Variants in DHRS7B observed in about 807,000 individuals in gnomAD.
The protein encoded by DHRS7B is dehydrogenase/reductase 7B, also known as peroxisomal reductase activating PPAR-gamma.
Under a neutral mutation model 26.4 loss-of-function variants are expected in DHRS7B, and 24 were observed. The ratio of observed to expected loss-of-function variants is 0.91; its 90% CI spans 0.66 to 1.28. The LOEUF is 1.28. DHRS7B is among the 50% of genes most tolerant of loss of function. DHRS7B has a pLI of 0.00. For missense variants in DHRS7B, 368 were observed against 419.4 expected (o/e 0.88, Z 1.07); for synonymous variants, 142 against 166.4 (o/e 0.85, Z 1.13).
At chr17:21,138,106 A>ACACACACACG (rs1973401538) in intron 1 of DHRS7B, among the ~76,000 whole-genome samples, 1 of 135,428 alleles carries the variant, frequency 7.4e-6, no homozygotes, top group East Asian at 2.1e-4. Flanking sequence ...ATATATACAC[A>ACACACACACG]CACACACACA....
intron 1 of DHRS7B, among the ~76,000 whole-genome samples, chr17:21,144,373 T>C (rs935336223): frequency 5.9e-5 from 9 of 152,186 alleles, no homozygotes; most frequent in African/African-American, 2.2e-4. Context: ...ACATTTTTAC[T>C]CCAAATAAGT....
intron 1 of DHRS7B, among the ~76,000 whole-genome samples, chr17:21,164,396 T>G (rs889250285): frequency 1.8e-4 from 28 of 152,206 alleles, no homozygotes; most frequent in African/African-American, 6.8e-4. Context: ...TAGTTGACGC[T>G]GTAGCATCTC....
At chr17:21,161,177 T>A (rs1317567206) in intron 1 of DHRS7B, among the ~76,000 whole-genome samples, 2 of 152,094 alleles carry the variant, frequency 1.3e-5, no homozygotes, top group East Asian at 3.9e-4. Flanking sequence ...GCACTGAGAG[T>A]GGGCACTAAT....
chr17:21,162,971 G>A (rs1182644386), intron 1 of DHRS7B, among the ~76,000 whole-genome samples: 2 of 152,126 alleles, frequency 1.3e-5, no homozygotes, highest in African/African-American at 2.4e-5. Flanking sequence ...TGAGGTGGGT[G>A]GATCATCTGA....
intron 1 of DHRS7B, among the ~76,000 whole-genome samples, chr17:21,136,515 GAAAA>G (rs978354552): frequency 6.8e-6 from 1 of 146,308 alleles, no homozygotes; most frequent in Non-Finnish European, 1.5e-5. Context: ...CGTCTCAAAA[GAAAA>G]AAAAAAGAAA....
chr17:21,178,768 TCCG>T (rs1974447740), intron 3 of DHRS7B, among the ~76,000 whole-genome samples: 1 of 150,870 alleles, frequency 6.6e-6, no homozygotes, highest in Admixed American at 6.6e-5. Flanking sequence ...AAGCGATTCT[TCCG>T]CCTCAGCCTC....
chr17:21,177,248 C>T (rs1054307781), intron 2 of DHRS7B, among the ~76,000 whole-genome samples: 2 of 152,184 alleles, frequency 1.3e-5, no homozygotes, highest in African/African-American at 4.8e-5. Flanking sequence ...AGCACCCAGG[C>T]ACGTGAGAGC....
chr17:21,130,135 C>G (rs898911420), intron 1 of DHRS7B, among the ~76,000 whole-genome samples: 2 of 152,184 alleles, frequency 1.3e-5, no homozygotes, highest in African/African-American at 4.8e-5. Flanking sequence ...CGGTGGCTCA[C>G]GCCTGTAATC....
chr17:21,187,550 C>G lies in DHRS7B; in HGVS notation c.620-1161C>G, dbSNP rs548988926. ...CTGAGGGAGAAGAACGGTGTGAACC[C>G]GGGAGGCGGAGTTTGCAGTGAGCCA... On this transcript the variant is annotated intron_variant, in intron 5 of 6. Coordinates refer to ENST00000395511, the MANE Select transcript of DHRS7B (RefSeq NM_015510.5). Among the ~76,000 whole-genome samples, 3 of 149,880 alleles carry G rather than the reference C, an allele frequency of 2.0e-5. No individual in the cohort carries two copies. In the Admixed American group the frequency reaches 2.0e-4, roughly 10 times the overall value.
In DHRS7B at chr17:21,140,022, C is replaced by CT. The variant is rs201900387; in HGVS notation, c.20+13051dup. ...TTTTTTCCTATCAGACTTTCAGATT[C>CT]TTTTTTTTTTTTTTTTTTTTGAGAC... On this transcript the variant is annotated intron_variant, in intron 1 of 6. Coordinates refer to ENST00000395511, the MANE Select transcript of DHRS7B (RefSeq NM_015510.5). Among the ~76,000 whole-genome samples, 414 of 106,660 alleles carry CT rather than the reference C, an allele frequency of 3.9e-3. 19 individuals are homozygous for CT. The highest frequency in any genetic ancestry group is 4.8e-3 in the Non-Finnish European group (264 of 54,592). The allele number at this position is 106,660 out of a possible 152,430, so 70.0% of individuals were successfully genotyped here. A position where few individuals can be genotyped will look rare whatever the true frequency, so the allele number is the denominator to read the frequency against.
rs754265684 is a variant in DHRS7B, at chr17:21,190,947, G to A, written c.773-1G>A. On this transcript the variant is annotated splice_acceptor_variant, in intron 6 of 6. Coordinates refer to ENST00000395511, the MANE Select transcript of DHRS7B (RefSeq NM_015510.5). LOFTEE classifies it high-confidence loss of function. ...TGTTTCTTTTGTTTTATTTATTTTA[G>A]TTATGGACACCACCACAGCCCAGGG... 1.2e-6 allele frequency: 2 copies of A among 1,613,864 alleles called. No homozygotes were observed. Among genetic ancestry groups the A allele is most frequent in the African/African-American group, 1.3e-5 (1 of 74,898 alleles).
intron 1 of DHRS7B, among the ~76,000 whole-genome samples, chr17:21,168,173 G>C (rs1974155429): frequency 1.3e-5 from 2 of 152,226 alleles, no homozygotes; most frequent in Admixed American, 6.5e-5. Context: ...GCCCTGCATA[G>C]TGGAAGAACT....
At chr17:21,172,709 G>A (rs530190986) in intron 2 of DHRS7B, among the ~76,000 whole-genome samples, 27 of 152,260 alleles carry the variant, frequency 1.8e-4, no homozygotes, top group African/African-American at 6.5e-4. Context: ...CCTCAGCATG[G>A]TCTAGACAAG....
At position 21,132,348 on chromosome 17, in the gene DHRS7B, A is replaced by AAATAT. The variant is rs1491147235; in HGVS notation, c.20+5358_20+5359insATATA. Among the ~76,000 whole-genome samples the AAATAT allele has an allele frequency of 6.8e-4, 85 of 125,040 alleles. 1 individual carries two copies. The highest frequency in any genetic ancestry group is 2.2e-3 in the African/African-American group (77 of 34,310). The allele number at this position is 125,040 out of a possible 152,430, so 82.0% of individuals were successfully genotyped here. On this transcript the variant is annotated intron_variant, in intron 1 of 6. Coordinates refer to ENST00000395511, the MANE Select transcript of DHRS7B (RefSeq NM_015510.5). ...AGACCCCATCTCTTAAAAAAAAAAA[A>AAATAT]ATATATATATATATAGATAGATAGA...
At chr17:21,163,171 G>A (rs1420650261) in intron 1 of DHRS7B, among the ~76,000 whole-genome samples, 1 of 150,412 alleles carries the variant, frequency 6.6e-6, no homozygotes, top group African/African-American at 2.4e-5. Flanking sequence ...ACTACAGCCT[G>A]GGTGACAGAG....
At chr17:21,154,732 A>G (rs1001578443) in intron 1 of DHRS7B, among the ~76,000 whole-genome samples, 1 of 152,224 alleles carries the variant, frequency 6.6e-6, no homozygotes, top group Admixed American at 6.5e-5. Flanking sequence ...ATGCTTTTAT[A>G]TACCAATACA....
rs534981469 is a variant in DHRS7B at position 21,155,758 on chromosome 17, C to A, written c.21-16260C>A. On this transcript the variant is annotated intron_variant, in intron 1 of 6. Coordinates refer to ENST00000395511, the MANE Select transcript of DHRS7B (RefSeq NM_015510.5). ...TAATAAATATAAAGGAACAGAAATACATTGTCTGCTTCCAGACCACGATGG... is the reference window on the plus strand; with the variant it reads ...TAATAAATATAAAGGAACAGAAATAAATTGTCTGCTTCCAGACCACGATGG... Among the ~76,000 whole-genome samples, 4 of 152,304 alleles carry A rather than the reference C, an allele frequency of 2.6e-5. No individual in the cohort carries two copies. The East Asian group carries it at 7.7e-4, about 29-fold the overall frequency.
At chr17:21,182,689 A>G (rs1246099551) in intron 3 of DHRS7B, among the ~76,000 whole-genome samples, 1 of 152,190 alleles carries the variant, frequency 6.6e-6, no homozygotes, top group South Asian at 2.1e-4. Flanking sequence ...GTACCTGGCC[A>G]TGATTGATTT....
chr17:21,172,326 G>GCC (rs1444778825), intron 2 of DHRS7B, 130 bp downstream of exon 2: 2 of 1,147,090 alleles, frequency 1.7e-6, no homozygotes, highest in East Asian at 5.1e-5. Context: ...AGGGAAGTGG[G>GCC]CCGGATGGCA....
Sources: gnomAD v4.1 joint callset for allele counts (sites outside exome capture counted in the v4.1 genomes callset) on GRCh38, gnomAD v4.1.1 for gene constraint, MANE v1.5 for transcripts, NCBI Gene and HGNC (gene_info 2026-07-23, HGNC 2026-07-21) for gene names.